SYTL2: variants seen among roughly 807,000 people sequenced by gnomAD.
SYTL2 encodes synaptotagmin like 2.
A neutral mutation model predicts 198.7 loss-of-function variants in SYTL2; 165 were observed. That is an observed-to-expected ratio of 0.83 (90% CI 0.73 to 0.94). SYTL2 has a LOEUF of 0.94. Ranked by LOEUF, SYTL2 falls within the 40% of genes least tolerant of loss-of-function variation. The pLI, the probability that SYTL2 is intolerant of heterozygous loss-of-function variation, is 0.00. For missense variants in SYTL2, 2,835 were observed against 2,582.8 expected, an observed-to-expected ratio of 1.10 and a Z score of -2.12; for synonymous variants, 966 against 917.7, an observed-to-expected ratio of 1.05 and a Z score of -0.95.
At chr11:85,765,245 CT>C (rs546729353) in intron 1 of SYTL2, among the ~76,000 whole-genome samples, 5 of 151,204 alleles carry the variant, frequency 3.3e-5, no homozygotes, top group Admixed American at 1.3e-4. Context: ...AATAGGTTGC[CT>C]TTTTTTTTGA....
chr11:85,803,156 G>A (rs1415410582), intron 1 of SYTL2, among the ~76,000 whole-genome samples: 1 of 152,184 alleles, frequency 6.6e-6, no homozygotes, highest in African/African-American at 2.4e-5. Context: ...TTTGCAGAAA[G>A]GTAGTATGAT....
intron 1 of SYTL2, among the ~76,000 whole-genome samples, chr11:85,767,657 T>A (rs977482342): frequency 6.6e-6 from 1 of 152,102 alleles, no homozygotes; most frequent in Non-Finnish European, 1.5e-5. Flanking sequence ...TGTACCAACT[T>A]GGGGGTTCCA....
chr11:85,701,130 T>C (rs962844107), intron 16 of SYTL2, among the ~76,000 whole-genome samples: 20 of 152,226 alleles, frequency 1.3e-4, no homozygotes, highest in African/African-American at 4.3e-4. Context: ...TATCTGTTAT[T>C]TTCAAGTACA....
the SYTL2 span, chr11:85,853,627 C>G: frequency 6.6e-6 from 1 of 150,538 alleles, no homozygotes; most frequent in Non-Finnish European, 1.5e-5. Flanking sequence ...GCCAAATCCC[C>G]CTCTGCGAGA....
chr11:85,838,455 G>A, the SYTL2 span, among the ~76,000 whole-genome samples: 1,502 of 152,262 alleles, frequency 9.9e-3, 14 homozygotes, highest in African/African-American at 0.033. Flanking sequence ...AAGAAAAGAG[G>A]TTGAATTGGC....
At chr11:85,840,153 G>A in the SYTL2 span, among the ~76,000 whole-genome samples, 1 of 151,588 alleles carries the variant, frequency 6.6e-6, no homozygotes, top group African/African-American at 2.4e-5. Flanking sequence ...TTTTCCTATA[G>A]AGTCACCTGA....
At chr11:85,776,834 T>C (rs2092459937) in intron 1 of SYTL2, among the ~76,000 whole-genome samples, 1 of 152,222 alleles carries the variant, frequency 6.6e-6, no homozygotes, top group South Asian at 2.1e-4. Context: ...CAAACCTTTT[T>C]TAAAAAATAA....
chr11:85,698,697 A>G (rs1297046742), intron 17 of SYTL2, among the ~76,000 whole-genome samples: 1 of 152,070 alleles, frequency 6.6e-6, no homozygotes, highest in African/African-American at 2.4e-5. Context: ...GTGCCACCAC[A>G]CTTGGCTAAT....
At position 85,714,507 on chromosome 11, in the gene SYTL2, A is replaced by G. The variant is rs777811719; in HGVS notation, c.5531T>C (p.Ile1844Thr). The G allele has an allele frequency of 6.2e-7, 1 of 1,611,158 alleles. No individual in the cohort carries two copies. The highest frequency in any genetic ancestry group is 8.5e-7 in the Non-Finnish European group (1 of 1,177,540). ...ATCAGGTTGTGTAGGCACTGTGGAAACTAAACAGCAGCATTTCCATTTCAA... is the reference window on the plus strand; with the variant it reads ...ATCAGGTTGTGTAGGCACTGTGGAAGCTAAACAGCAGCATTTCCATTTCAA... ...KPVTNECVPR[I>T]STVPTQPDNP... Residue 1844 changes from isoleucine (I) to threonine (T), a missense_variant and splice_region_variant, in exon 12 of 20, where the codon ATT (isoleucine) becomes ACT (threonine). Coordinates refer to ENST00000359152, the MANE Select transcript of SYTL2 (RefSeq NM_206927.4).
rs761719074 is a variant in SYTL2 at position 85,733,924 on chromosome 11, T to C, written c.1390+15A>G. ...CCACCAAGTTTTTATAATCTAGTAG[T>C]GACAACTCTCTTACCAGCAGGGCTT... On this transcript the variant is annotated intron_variant, in intron 7 of 19. Coordinates refer to ENST00000359152, the MANE Select transcript of SYTL2 (RefSeq NM_206927.4). 1.9e-6 allele frequency: 3 copies of C among 1,610,960 alleles called. No individual in the cohort carries two copies. The highest frequency in any genetic ancestry group is 1.7e-5 in the Admixed American group (1 of 59,848).
rs773946803 is a variant in SYTL2, at chr11:85,727,374, C to A, written c.1984G>T (p.Ala662Ser). The A allele has an allele frequency of 6.3e-5, 97 of 1,536,078 alleles. No homozygotes were observed. In the African/African-American group the frequency reaches 1.2e-3, roughly 19 times the overall value. The change falls in exon 8 of 20, where the codon GCA becomes TCA. Residue 662 changes from alanine (A) to serine (S), a missense_variant. Physicochemically the swap from Ala to Ser is moderately conservative, Grantham distance 99 (BLOSUM62 1). Coordinates refer to ENST00000359152, the MANE Select transcript of SYTL2 (RefSeq NM_206927.4). ...DSKSPGKGNGASPSNSNYSYS... is the reference protein window; with the variant it reads ...DSKSPGKGNGSSPSNSNYSYS... ...GAATAGTTACTATTTGAAGGAGATG[C>A]CCCATTCCCTTTTCCTGGGCTTTTT...
In SYTL2 at chr11:85,710,847, T is replaced by C. The variant is rs578172653; in HGVS notation, c.5745+266A>G. Reference sequence around the variant, plus strand: ...TTGCACAGAAAAATTTAGTGGTTCATCTTCTTGGCAATTTAAGTTTATTTG... The same window carrying C: ...TTGCACAGAAAAATTTAGTGGTTCACCTTCTTGGCAATTTAAGTTTATTTG... On this transcript the variant is annotated intron_variant, in intron 13 of 19. Coordinates refer to ENST00000359152, the MANE Select transcript of SYTL2 (RefSeq NM_206927.4). Among the ~76,000 whole-genome samples, 3 of 152,276 alleles carry C rather than the reference T, an allele frequency of 2.0e-5. No individual in the cohort carries two copies. In the East Asian group the frequency reaches 5.8e-4, roughly 29 times the overall value.
At chr11:85,793,994 AT>A (rs1389446695) in intron 1 of SYTL2, among the ~76,000 whole-genome samples, 3 of 152,144 alleles carry the variant, frequency 2.0e-5, no homozygotes, top group African/African-American at 7.2e-5. Context: ...AGAGCACACA[AT>A]CCCTCAATCC....
At chr11:85,708,025 TG>T (rs1441929304) in intron 14 of SYTL2, 2 of 337,386 alleles carry the variant, frequency 5.9e-6, no homozygotes, top group Non-Finnish European at 5.7e-6. Context: ...TAGCTGGGTG[TG>T]GTGATGCATG....
Position 85,727,772 on chromosome 11 carries a change from C to T in SYTL2, c.1586G>A (p.Ser529Asn), listed in dbSNP as rs751819449. ...TGACTTATTGTCATCTGAATAAGAA[C>T]TTCGGTTAAACCAGTCTAGAACTTT... is the stretch of plus-strand genomic sequence containing the variant. ...IFKVLDWFNR[S>N]SYSDDNKSFL... is the part of the protein sequence containing the mutation. The change falls in exon 8 of 20, where the codon AGT becomes AAT. Residue 529 changes from serine to asparagine, a missense_variant. Physicochemically the swap from Ser to Asn is conservative, Grantham distance 46. Around this residue, in one of 3 missense-constraint regions of SYTL2, gnomAD observed 2,645 missense variants for 2,381.7 expected, o/e 1.11. Coordinates refer to ENST00000359152, the MANE Select transcript of SYTL2 (RefSeq NM_206927.4). The T allele has an allele frequency of 3.8e-6, 6 of 1,574,228 alleles. No individual in the cohort carries two copies. In the South Asian group the frequency reaches 5.8e-5, roughly 15 times the overall value.
At chr11:85,766,477 T>C (rs1299245012) in intron 1 of SYTL2, among the ~76,000 whole-genome samples, 2 of 152,206 alleles carry the variant, frequency 1.3e-5, no homozygotes, top group East Asian at 1.9e-4. Context: ...TTAAGCCACA[T>C]AGAACAGAGT....
At chr11:85,788,497 T>C (rs2092672603) in intron 1 of SYTL2, among the ~76,000 whole-genome samples, 1 of 152,148 alleles carries the variant, frequency 6.6e-6, no homozygotes, top group South Asian at 2.1e-4. Context: ...AGCTGTGAAA[T>C]ATACACAAGT....
In SYTL2 at chr11:85,802,408, G is replaced by T. The variant is rs2153651458; in HGVS notation, c.-390+8546C>A. On this transcript the variant is annotated intron_variant, in intron 1 of 19. Coordinates refer to ENST00000359152, the MANE Select transcript of SYTL2 (RefSeq NM_206927.4). The stretch of plus-strand genomic sequence containing the variant: ...AGCCTCCCAAAGTGCTAGGATTACA[G>T]GCATGAGCCAATGCACCCAGCCCTC... Among the ~76,000 whole-genome samples, 2 of 152,080 alleles carry T rather than the reference G, an allele frequency of 1.3e-5. 1 individual carries two copies. Among genetic ancestry groups the T allele is most frequent in the Non-Finnish European group, 2.9e-5 (2 of 67,994 alleles).
chr11:85,774,888 C>T (rs750565249), intron 1 of SYTL2, among the ~76,000 whole-genome samples: 2 of 152,186 alleles, frequency 1.3e-5, no homozygotes, highest in Non-Finnish European at 2.9e-5. Flanking sequence ...TTCTGGTCTT[C>T]GCTCTGCTAC....
Sources: gnomAD v4.1 joint callset for allele counts (sites outside exome capture counted in the v4.1 genomes callset) on GRCh38, gnomAD v4.1.1 for gene constraint, gnomAD v4.1.1 regional missense constraint, MANE v1.5 for transcripts, NCBI Gene and HGNC (gene_info 2026-07-23, HGNC 2026-07-21) for gene names.